Variants in MAP4 observed in about 807,000 individuals in gnomAD.
The protein encoded by MAP4 is microtubule associated protein 4.
A neutral mutation model predicts 170.2 loss-of-function variants in MAP4; 76 were observed. The ratio of observed to expected loss-of-function variants is 0.45; its 90% CI spans 0.37 to 0.54. The LOEUF (loss-of-function observed/expected upper bound fraction) is 0.54. Ranked by LOEUF, MAP4 falls within the 20% of genes least tolerant of loss-of-function variation. MAP4 has a pLI of 0.00. For synonymous variants in MAP4, 909 were observed against 994.5 expected, an observed-to-expected ratio of 0.91 and a Z score of 1.62; for missense variants, 2,506 against 2,748.0, an observed-to-expected ratio of 0.91 and a Z score of 1.97.
At chr3:47,951,595 G>A (rs566748430) in intron 3 of MAP4, among the ~76,000 whole-genome samples, 215 of 152,326 alleles carry the variant, frequency 1.4e-3, no homozygotes, top group Non-Finnish European at 1.8e-3. Flanking sequence ...CGAGTGATCC[G>A]CCAGCCTTGG....
intron 8 of MAP4, among the ~76,000 whole-genome samples, chr3:47,913,687 AAAC>A (rs1486968692): frequency 6.6e-6 from 1 of 152,234 alleles, no homozygotes; most frequent in Non-Finnish European, 1.5e-5. Flanking sequence ...TGAGTCAGTA[AAAC>A]AACATTTAAA....
At chr3:48,050,541 G>T (rs1309091469) in intron 1 of MAP4, among the ~76,000 whole-genome samples, 1 of 150,930 alleles carries the variant, frequency 6.6e-6, no homozygotes, top group Non-Finnish European at 1.5e-5. Flanking sequence ...GAAAGATTCG[G>T]TTTTCATTTA....
chr3:47,962,655 T>G (rs939784656), intron 3 of MAP4, among the ~76,000 whole-genome samples: 7 of 152,232 alleles, frequency 4.6e-5, no homozygotes, highest in Admixed American at 2.6e-4. Context: ...AAAAACAGCA[T>G]AAATCTACAT....
intron 2 of MAP4, among the ~76,000 whole-genome samples, chr3:47,987,022 G>A (rs1044889576): frequency 6.6e-6 from 1 of 152,158 alleles, no homozygotes; most frequent in Non-Finnish European, 1.5e-5. Flanking sequence ...TGTGCCAAGA[G>A]CAGTGGTCTC....
chr3:47,989,988 G>T (rs1369791512), intron 2 of MAP4, among the ~76,000 whole-genome samples: 1 of 152,034 alleles, frequency 6.6e-6, no homozygotes, highest in Non-Finnish European at 1.5e-5. Flanking sequence ...CTCCCCAGGA[G>T]ATGTCAGATT....
At chr3:47,954,425 A>G (rs575539092) in intron 3 of MAP4, among the ~76,000 whole-genome samples, 1 of 152,328 alleles carries the variant, frequency 6.6e-6, no homozygotes, top group African/African-American at 2.4e-5. Flanking sequence ...ACAGTATTCC[A>G]CAAGCAGCCT....
intron 10 of MAP4, chr3:47,891,429 G>T: frequency 6.5e-7 from 1 of 1,533,882 alleles, no homozygotes; most frequent in Non-Finnish European, 8.7e-7. Flanking sequence ...GTCATGGAGC[G>T]CTTCATAGCA....
intron 1 of MAP4, among the ~76,000 whole-genome samples, chr3:48,066,048 GC>G (rs1420447499): frequency 6.6e-6 from 1 of 151,894 alleles, no homozygotes; most frequent in African/African-American, 2.4e-5. Context: ...ACAATACTAT[GC>G]CCCCCAAAAA....
rs1041703769 is a variant in MAP4, at chr3:48,045,246, G to A, written c.-20+43527C>T. 2.4e-5 allele frequency among the ~76,000 whole-genome samples: 3 copies of A among 122,622 alleles called. No homozygotes were observed. In the Admixed American group the frequency reaches 2.9e-4, roughly 12 times the overall value. The allele number at this position is 122,622 out of a possible 152,430, so 80.4% of individuals were successfully genotyped here. A position where few individuals can be genotyped will look rare whatever the true frequency, so the allele number is the denominator to read the frequency against. On this transcript the variant is annotated intron_variant, in intron 1 of 18. Coordinates refer to the MAP4 transcript ENST00000360240. ...GTGTTCCAGCCTGGGTGACAAGAGT[G>A]AGACTCAGTCTCAAAAAAAAAAAAA...
intron 1 of MAP4, among the ~76,000 whole-genome samples, chr3:48,082,881 T>G (rs982681647): frequency 6.6e-6 from 1 of 150,926 alleles, no homozygotes; most frequent in Non-Finnish European, 1.5e-5. Context: ...ACAAGAAGGG[T>G]AAACCATCTC....
At chr3:47,923,041 C>G (rs1317833936) in intron 4 of MAP4, among the ~76,000 whole-genome samples, 2 of 151,166 alleles carry the variant, frequency 1.3e-5, no homozygotes, top group Non-Finnish European at 2.9e-5. Flanking sequence ...TAGAGTGAGA[C>G]TGTCTCAAAA....
intron 1 of MAP4, among the ~76,000 whole-genome samples, chr3:48,043,878 G>T (rs945092989): frequency 6.6e-6 from 1 of 151,814 alleles, no homozygotes; most frequent in Admixed American, 6.6e-5. Context: ...ACGGAGTCTC[G>T]CTCTGTGTCC....
At chr3:48,004,904 G>A (rs542139178) in intron 1 of MAP4, among the ~76,000 whole-genome samples, 21 of 152,162 alleles carry the variant, frequency 1.4e-4, no homozygotes, top group Non-Finnish European at 2.5e-4. Context: ...CCTGAGGCAA[G>A]AGTCATGGCC....
Position 47,890,097 on chromosome 3 carries a change from T to A in MAP4, c.5435-12574A>T, listed in dbSNP as rs528118460. On this transcript the variant is annotated intron_variant, in intron 10 of 20. Transcript: ENST00000683076. ...CCCAGGAAACAAGACTATTTTTTTT[T>A]AAACAAGCAAAACACATGTTTTAAA... is the stretch of plus-strand genomic sequence containing the variant. Among the ~76,000 whole-genome samples the A allele has an allele frequency of 3.9e-5, 6 of 152,240 alleles. No homozygotes were observed. In the East Asian group the frequency reaches 7.7e-4, roughly 20 times the overall value.
At chr3:47,965,142 G>A (rs893065545) in intron 3 of MAP4, among the ~76,000 whole-genome samples, 23 of 152,082 alleles carry the variant, frequency 1.5e-4, no homozygotes, top group African/African-American at 3.4e-4. Flanking sequence ...TTTAGGTACC[G>A]CATATAAATT....
chr3:47,989,939 AT>A (rs1250307495), intron 2 of MAP4, among the ~76,000 whole-genome samples: 1 of 152,144 alleles, frequency 6.6e-6, no homozygotes, highest in Non-Finnish European at 1.5e-5. Flanking sequence ...TCTCTGAGAT[AT>A]AAAGATATTC....
intron 2 of MAP4, among the ~76,000 whole-genome samples, chr3:47,978,792 T>C (rs752959592): frequency 2.6e-5 from 4 of 151,532 alleles, no homozygotes; most frequent in Middle Eastern, 3.2e-3. Flanking sequence ...TATTCCCTAA[T>C]GACTAAGGAT....
chr3:47,929,716 A>C (rs1463708555), intron 3 of MAP4, among the ~76,000 whole-genome samples: 1 of 151,544 alleles, frequency 6.6e-6, no homozygotes, highest in African/African-American at 2.4e-5. Flanking sequence ...ACAGGAAAAA[A>C]TCTTTGTGAC....
intron 20 of MAP4, 62 bp from the exon 21 acceptor site, chr3:47,853,000 G>A (rs763867728): frequency 6.2e-7 from 1 of 1,614,238 alleles, no homozygotes; most frequent in Non-Finnish European, 8.5e-7. Flanking sequence ...GGGAACACGG[G>A]GGAGACGGAA....
Sources: allele counts gnomAD v4.1 joint callset (sites outside exome capture counted in the v4.1 genomes callset), GRCh38; gene constraint gnomAD v4.1.1; transcripts MANE v1.5; gene names NCBI Gene and HGNC (gene_info 2026-07-23, HGNC 2026-07-21).